Variants in AGBL3 observed in about 807,000 individuals in gnomAD.
AGBL3 encodes cytosolic carboxypeptidase 3.
A neutral mutation model predicts 94.5 loss-of-function variants in AGBL3; 68 were observed. The ratio of observed to expected loss-of-function variants is 0.72; its 90% CI spans 0.59 to 0.88. The LOEUF (loss-of-function observed/expected upper bound fraction) is 0.88. Ranked by LOEUF, AGBL3 falls within the 40% of genes least tolerant of loss-of-function variation. AGBL3 has a pLI of 0.00. For synonymous variants in AGBL3, 354 were observed against 370.7 expected (o/e 0.95, Z 0.52); for missense variants, 934 against 1,103.8 (o/e 0.85, Z 2.18).
chr7:135,084,821 CTT>C (rs1563249195), intron 15 of AGBL3, among the ~76,000 whole-genome samples: 1 of 152,002 alleles, frequency 6.6e-6, no homozygotes, highest in East Asian at 1.9e-4. Context: ...GCAGATATCT[CTT>C]TGACATACTG....
intron 5 of AGBL3, among the ~76,000 whole-genome samples, chr7:135,024,145 C>T (rs1414668302): frequency 3.3e-5 from 5 of 152,156 alleles, no homozygotes; most frequent in East Asian, 3.9e-4. Context: ...GCCTGGGAGC[C>T]CCACAACCTG....
At chr7:135,100,520 A>C (rs1823674221) in intron 15 of AGBL3, among the ~76,000 whole-genome samples, 1 of 152,160 alleles carries the variant, frequency 6.6e-6, no homozygotes, top group Admixed American at 6.5e-5. Flanking sequence ...CAACAGAGAG[A>C]CCATGGTATA....
intron 15 of AGBL3, among the ~76,000 whole-genome samples, chr7:135,095,770 C>T (rs1206112975): frequency 6.6e-6 from 1 of 152,164 alleles, no homozygotes; most frequent in African/African-American, 2.4e-5. Flanking sequence ...TTGCTGCTCA[C>T]AATAATGGAT....
At chr7:135,007,098 C>T (rs1480073111) in intron 4 of AGBL3, among the ~76,000 whole-genome samples, 1 of 151,598 alleles carries the variant, frequency 6.6e-6, no homozygotes, top group Non-Finnish European at 1.5e-5. Context: ...TTCTTCCAAA[C>T]ATTTAATGTT....
Position 134,989,434 on chromosome 7 carries a change from G to A in AGBL3, c.124+124G>A, listed in dbSNP as rs1051988521. 1.5e-5 allele frequency: 10 copies of A among 666,848 alleles called. No individual in the cohort carries two copies. In the African/African-American group the frequency reaches 1.9e-4, roughly 13 times the overall value. 41.3% of individuals were successfully genotyped at this position (666,848 alleles called of 1,614,324 possible). ...ATGATTATTCTAGTAGATTGTGAAA[G>A]AGAACTGTATCTACTTGCAGAGTTC... On this transcript the variant is annotated intron_variant, in intron 3 of 16. Transcript: ENST00000436302.
chr7:135,079,724 TC>T (rs1235717586), intron 13 of AGBL3, among the ~76,000 whole-genome samples: 1 of 151,572 alleles, frequency 6.6e-6, no homozygotes, highest in Non-Finnish European at 1.5e-5. Context: ...CGCCTTGGCC[TC>T]CCTAAGTACT....
At chr7:134,996,870 T>A (rs1439369942) in intron 4 of AGBL3, among the ~76,000 whole-genome samples, 2 of 152,176 alleles carry the variant, frequency 1.3e-5, no homozygotes, top group Non-Finnish European at 2.9e-5. Flanking sequence ...TTTATGAGTG[T>A]GGTCAGGGGT....
chr7:135,020,637 T>C (rs1426985163), intron 5 of AGBL3, among the ~76,000 whole-genome samples: 3 of 152,144 alleles, frequency 2.0e-5, no homozygotes, highest in Non-Finnish European at 4.4e-5. Flanking sequence ...CTATTCACAA[T>C]AGCAAAGTCT....
chr7:135,112,305 C>T (rs993893480), intron 15 of AGBL3, among the ~76,000 whole-genome samples: 4 of 152,178 alleles, frequency 2.6e-5, no homozygotes, highest in African/African-American at 4.8e-5. Context: ...GATTTTCTTG[C>T]GTAAAATCTT....
intron 8 of AGBL3, among the ~76,000 whole-genome samples, chr7:135,039,941 C>T (rs1584917347): frequency 6.6e-6 from 1 of 151,578 alleles, no homozygotes; most frequent in Non-Finnish European, 1.5e-5. Context: ...AAAACTTTAC[C>T]AAGATTGATG....
chr7:135,015,784 G>A (rs1337079072), intron 4 of AGBL3, among the ~76,000 whole-genome samples: 1 of 150,864 alleles, frequency 6.6e-6, no homozygotes, highest in African/African-American at 2.4e-5. Flanking sequence ...GGAGGCCGTG[G>A]CAGGTGGATC....
chr7:135,040,308 CAT>C (rs1282377256), intron 8 of AGBL3, among the ~76,000 whole-genome samples: 1 of 152,102 alleles, frequency 6.6e-6, no homozygotes, highest in Admixed American at 6.5e-5. Context: ...ACAAGACAAA[CAT>C]AGTACAAGAA....
At chr7:134,988,091 C>A (rs1809705505) in intron 2 of AGBL3, 95 bp downstream of exon 2, 3 of 962,028 alleles carry the variant, frequency 3.1e-6, no homozygotes, top group Non-Finnish European at 3.0e-6. Context: ...ATATAAAAAT[C>A]AATTGGATGT....
At chr7:135,129,693 T>A in intron 16 of AGBL3, 2 of 771,280 alleles carry the variant, frequency 2.6e-6, no homozygotes, top group Non-Finnish European at 4.8e-6. Context: ...TGAAGACTAG[T>A]TAACTACTGC....
At chr7:135,102,204 A>G (rs1034843296) in intron 15 of AGBL3, among the ~76,000 whole-genome samples, 2 of 152,174 alleles carry the variant, frequency 1.3e-5, no homozygotes, top group African/African-American at 2.4e-5. Context: ...CACCGCTCCA[A>G]ATCTGTGATT....
intron 4 of AGBL3, among the ~76,000 whole-genome samples, chr7:135,015,013 C>G (rs560933483): frequency 6.6e-6 from 1 of 152,258 alleles, no homozygotes; most frequent in South Asian, 2.1e-4. Context: ...CAGACATCAA[C>G]AAGGATAGTA....
At chr7:135,128,291 C>CAAAAAA (rs61217008) in intron 16 of AGBL3, among the ~76,000 whole-genome samples, 4 of 58,074 alleles carry the variant, frequency 6.9e-5, no homozygotes, top group Non-Finnish European at 8.2e-5. Flanking sequence ...GACTCCATCT[C>CAAAAAA]AAAAAAAAAA....
At chr7:135,026,619 A>G (rs1200946046) in intron 5 of AGBL3, among the ~76,000 whole-genome samples, 1 of 151,602 alleles carries the variant, frequency 6.6e-6, no homozygotes, top group Non-Finnish European at 1.5e-5. Context: ...CTCTGGCATT[A>G]CATCATGTCT....
At chr7:135,117,645 C>T (rs1826516775) in intron 16 of AGBL3, among the ~76,000 whole-genome samples, 1 of 152,164 alleles carries the variant, frequency 6.6e-6, no homozygotes, top group Non-Finnish European at 1.5e-5. Flanking sequence ...AGAAAAACAA[C>T]AACAACAAAA....
Sources: gnomAD v4.1 joint callset for allele counts (sites outside exome capture counted in the v4.1 genomes callset) on GRCh38, gnomAD v4.1.1 for gene constraint, MANE v1.5 for transcripts, NCBI Gene and HGNC (gene_info 2026-07-23, HGNC 2026-07-21) for gene names.